The following HDAC4 variants were observed in gnomAD, a reference collection of about 807,000 sequenced individuals.
HDAC4 encodes the protein histone deacetylase 4, also known as histone deacetylase A.
HDAC4 carries 16 observed loss-of-function variants against 135.1 expected under a neutral mutation model. The ratio of observed to expected loss-of-function variants is 0.12; its 90% CI spans 0.08 to 0.18. The LOEUF (loss-of-function observed/expected upper bound fraction) is 0.18, where lower values mean the gene tolerates loss of function less well. HDAC4 is among the 10% of genes least tolerant of loss of function. The pLI is 1.00. For synonymous variants in HDAC4, 685 were observed against 653.4 expected (o/e 1.05, Z -0.74); for missense variants, 1,143 against 1,511.8 (o/e 0.76, Z 4.05).
At chr2:239,236,202 G>A (rs1342038659) in intron 3 of HDAC4, among the ~76,000 whole-genome samples, 3 of 152,138 alleles carry the variant, frequency 2.0e-5, no homozygotes, top group Non-Finnish European at 2.9e-5. Flanking sequence ...GAAAAGGCGC[G>A]GTCTGTCCAC....
intron 3 of HDAC4, among the ~76,000 whole-genome samples, chr2:239,204,664 A>G (rs1213063307): frequency 6.6e-6 from 1 of 152,206 alleles, no homozygotes; most frequent in Non-Finnish European, 1.5e-5. Context: ...GGGATGGACC[A>G]GGCGTCCCGG....
intron 2 of HDAC4, among the ~76,000 whole-genome samples, chr2:239,288,951 C>T (rs1270792689): frequency 6.6e-6 from 1 of 152,154 alleles, no homozygotes; most frequent in Non-Finnish European, 1.5e-5. Flanking sequence ...CAAGTCACAG[C>T]TTAGGAGGAG....
rs1462028874 is a variant in HDAC4, at chr2:239,050,775, T to C, written c.*2322A>G. The stretch of plus-strand genomic sequence containing the variant: ...TACACTTTGGAATGAAACTGGTGGC[T>C]TCATGTGCTGGAAAATAAGTTACCA... On this transcript the variant is annotated 3_prime_UTR_variant, in exon 27 of 27. Coordinates refer to ENST00000543185, the MANE Select transcript of HDAC4 (RefSeq NM_001378414.1). 1 of 152,570 alleles carries C rather than the reference T, an allele frequency of 6.6e-6. No individual in the cohort carries two copies. Among genetic ancestry groups the C allele is most frequent in the African/African-American group, 2.4e-5 (1 of 41,420 alleles). The allele number at this position is 152,570 out of a possible 1,614,324, so 9.5% of individuals were successfully genotyped here.
chr2:239,170,746 G>C (rs1316472209), intron 5 of HDAC4, among the ~76,000 whole-genome samples: 1 of 152,168 alleles, frequency 6.6e-6, no homozygotes, highest in Non-Finnish European at 1.5e-5. Flanking sequence ...GGAACACCAG[G>C]GCCGAGGTCA....
chr2:239,189,462 A>G (rs1169465952), intron 4 of HDAC4, among the ~76,000 whole-genome samples: 1 of 152,248 alleles, frequency 6.6e-6, no homozygotes, highest in Non-Finnish European at 1.5e-5. Context: ...AAGGAAAAGA[A>G]AACACAGATT....
intron 15 of HDAC4, among the ~76,000 whole-genome samples, chr2:239,103,973 G>T (rs963375905): frequency 2.0e-5 from 3 of 152,242 alleles, no homozygotes; most frequent in South Asian, 2.1e-4. Context: ...ATGCTCTGCG[G>T]GTTCTCTTCT....
At chr2:239,082,036 C>G in intron 21 of HDAC4, 66 bp downstream of exon 21, 1 of 1,569,334 alleles carries the variant, frequency 6.4e-7, no homozygotes, top group Non-Finnish European at 8.8e-7. Flanking sequence ...CCGTCTGCCC[C>G]GTGCCCCCAC....
intron 3 of HDAC4, among the ~76,000 whole-genome samples, chr2:239,199,063 C>A (rs535765971): frequency 6.6e-6 from 1 of 152,090 alleles, no homozygotes; most frequent in East Asian, 1.9e-4. Context: ...TTGTAATTAG[C>A]TGATGTATCT....
At position 239,395,424 on chromosome 2, in the gene HDAC4, T is replaced by A. The variant is rs892556945; in HGVS notation, c.-220+5554A>T. On this transcript the variant is annotated intron_variant, in intron 1 of 26. Coordinates refer to ENST00000543185, the MANE Select transcript of HDAC4 (RefSeq NM_001378414.1). ...CAGTCCCCACCTTGAAGAGCTTACATGTGAGTTAGAAAAACAAATGCCCCT... is the reference window on the plus strand; with the variant it reads ...CAGTCCCCACCTTGAAGAGCTTACAAGTGAGTTAGAAAAACAAATGCCCCT... 2.6e-5 allele frequency among the ~76,000 whole-genome samples: 4 copies of A among 152,218 alleles called. No individual in the cohort carries two copies. In the East Asian group the frequency reaches 7.7e-4, roughly 29 times the overall value.
chr2:239,208,301 T>C (rs61203249), intron 3 of HDAC4, among the ~76,000 whole-genome samples: 17,470 of 123,102 alleles, frequency 0.14, 1,207 homozygotes, highest in Middle Eastern at 0.22. Flanking sequence ...CACTCCAGCC[T>C]GGGGGACAGA....
In HDAC4 at chr2:239,303,084, C is replaced by T. The variant is rs2052365442; in HGVS notation, c.22+49594G>A. 6.6e-6 allele frequency among the ~76,000 whole-genome samples: 1 copy of T among 152,196 alleles called. No individual in the cohort carries two copies. On this transcript the variant is annotated intron_variant, in intron 2 of 26. Coordinates refer to ENST00000543185, the MANE Select transcript of HDAC4 (RefSeq NM_001378414.1). The surrounding 1 kb of genome is among the most constrained non-coding windows in gnomAD (Gnocchi z 5.1). ...GAGGTCATCACCTCCGCGTACTGAACAGAAGCCCAGCTCAGGGTTCAGGGT... is the reference window on the plus strand; with the variant it reads ...GAGGTCATCACCTCCGCGTACTGAATAGAAGCCCAGCTCAGGGTTCAGGGT...
chr2:239,191,111 C>A, intron 3 of HDAC4: 1 of 423,708 alleles, frequency 2.4e-6, no homozygotes. Flanking sequence ...CACAGGCCCA[C>A]CCCTCAGAAA....
intron 2 of HDAC4, among the ~76,000 whole-genome samples, chr2:239,322,970 C>A (rs1028060447): frequency 6.6e-5 from 10 of 152,134 alleles, no homozygotes; most frequent in African/African-American, 2.4e-4. Flanking sequence ...GTGGGGTGCA[C>A]GTGCCACAAA....
At chr2:239,272,946 G>A (rs772322731) in intron 2 of HDAC4, among the ~76,000 whole-genome samples, 16 of 152,294 alleles carry the variant, frequency 1.1e-4, no homozygotes, top group Admixed American at 3.3e-4. Context: ...AGTTGCCCAC[G>A]ATGAGCGGCA....
At chr2:239,083,452 CAGA>C (rs2152692068) in intron 20 of HDAC4, among the ~76,000 whole-genome samples, 1 of 152,370 alleles carries the variant, frequency 6.6e-6, no homozygotes, top group South Asian at 2.1e-4. Context: ...TACCCAAACT[CAGA>C]AGGACTTCTC....
chr2:239,088,404 T>C (rs369854574), intron 18 of HDAC4, among the ~76,000 whole-genome samples: 1 of 152,338 alleles, frequency 6.6e-6, no homozygotes, highest in Admixed American at 6.5e-5. Context: ...GGGCAGCCCA[T>C]GAGGTGGCGG....
intron 3 of HDAC4, among the ~76,000 whole-genome samples, chr2:239,235,834 G>A (rs1025796108): frequency 6.6e-6 from 1 of 152,192 alleles, no homozygotes; most frequent in Non-Finnish European, 1.5e-5. Context: ...GAGCTCAGGA[G>A]TTCAAGACCA....
intron 3 of HDAC4, among the ~76,000 whole-genome samples, chr2:239,236,223 C>G (rs1381600455): frequency 6.6e-6 from 1 of 152,224 alleles, no homozygotes; most frequent in East Asian, 1.9e-4. Flanking sequence ...GGTCACGTGG[C>G]CAGTGGGACC....
chr2:239,390,619 C>T (rs1434190721), intron 1 of HDAC4, among the ~76,000 whole-genome samples: 3 of 152,070 alleles, frequency 2.0e-5, no homozygotes, highest in African/African-American at 2.4e-5. Context: ...TCCCACCCTC[C>T]ACCTGTGGAG....
Sources: allele counts gnomAD v4.1 joint callset (sites outside exome capture counted in the v4.1 genomes callset), GRCh38; gene constraint gnomAD v4.1.1; non-coding constraint Gnocchi (gnomAD v3.1); transcripts MANE v1.5; gene names NCBI Gene and HGNC (gene_info 2026-07-23, HGNC 2026-07-21).